ACSBG1: variants seen among roughly 807,000 people sequenced by gnomAD.
The protein encoded by ACSBG1 is long-chain-fatty-acid--CoA ligase ACSBG1.
A neutral mutation model predicts 80.2 loss-of-function variants in ACSBG1; 39 were observed. The ratio of observed to expected loss-of-function variants is 0.49; its 90% confidence interval spans 0.38 to 0.64. The LOEUF is 0.64. Ranked by LOEUF, ACSBG1 falls within the 30% of genes least tolerant of loss-of-function variation. ACSBG1 has a pLI of 0.00. For synonymous variants in ACSBG1, 392 were observed against 379.5 expected (o/e 1.03, Z -0.38); for missense variants, 828 against 966.4 (o/e 0.86, Z 1.90).
chr15:78,186,133 C>T (rs896916888), intron 5 of ACSBG1, among the ~76,000 whole-genome samples: 17 of 152,166 alleles, frequency 1.1e-4, no homozygotes, highest in Non-Finnish European at 2.1e-4. Context: ...GACCCCTTTA[C>T]CATTATGTAA....
At position 78,178,591 on chromosome 15, in the gene ACSBG1, C is replaced by T. The variant is rs369035787; in HGVS notation, c.1702+23G>A. On this transcript the variant is annotated intron_variant, in intron 11 of 13. Coordinates refer to ENST00000258873, the MANE Select transcript of ACSBG1 (RefSeq NM_015162.5). This position sits in a 1 kb window ranked among gnomAD's most constrained non-coding sequence, Gnocchi z 4.3. ...TGCTGGGATTACAGGCATGAGCCAC[C>T]GTGCCTGGCCTGGGGTGCTCACCTT... The T allele has an allele frequency of 7.0e-5, 111 of 1,585,440 alleles. No individual in the cohort carries two copies. Among genetic ancestry groups the T allele is most frequent in the Admixed American group, 8.5e-5 (5 of 58,534 alleles).
In ACSBG1 at chr15:78,170,271, C is replaced by T. The variant is rs1317065550; in HGVS notation, c.*1173G>A. 1 of 152,104 alleles carries T rather than the reference C, an allele frequency of 6.6e-6. No homozygotes were observed. Among genetic ancestry groups the T allele is most frequent in the Non-Finnish European group, 1.5e-5 (1 of 68,020 alleles). 9.4% of individuals were successfully genotyped at this position (152,104 alleles called of 1,614,324 possible). On this transcript the variant is annotated 3_prime_UTR_variant, in exon 14 of 14. Transcript: ENST00000258873. ...TTCATGAACAGTTACCCTCTGTCCC[C>T]ACAACCAAAGACAACTCATGGCCTC...
At position 78,198,193 on chromosome 15, in the gene ACSBG1, T is replaced by C. The variant is rs945215938; in HGVS notation, c.233-3467A>G. On this transcript the variant is annotated intron_variant, in intron 2 of 13. Coordinates refer to ENST00000258873, the MANE Select transcript of ACSBG1 (RefSeq NM_015162.5). Reference sequence around the variant, plus strand: ...CTGGGACTACAGGCATGCACCACCATGTCTGGCTAATTTTTTTTGTATTTT... The same window carrying C: ...CTGGGACTACAGGCATGCACCACCACGTCTGGCTAATTTTTTTTGTATTTT... Among the ~76,000 whole-genome samples, 7 of 151,850 alleles carry C rather than the reference T, an allele frequency of 4.6e-5. No individual in the cohort carries two copies. In the South Asian group the frequency reaches 6.2e-4, roughly 14 times the overall value.
chr15:78,212,356 T>C (rs1475334986), intron 1 of ACSBG1, among the ~76,000 whole-genome samples: 2 of 152,184 alleles, frequency 1.3e-5, no homozygotes, highest in Admixed American at 1.3e-4. Flanking sequence ...CTCATCATTA[T>C]TACGCATGAG....
intron 1 of ACSBG1, among the ~76,000 whole-genome samples, chr15:78,224,232 A>G (rs2075382194): frequency 6.9e-6 from 1 of 144,458 alleles, no homozygotes; most frequent in African/African-American, 2.5e-5. Flanking sequence ...ACCCTGGCTG[A>G]CATCTGGACT....
At chr15:78,187,574 C>T (rs1381313320) in intron 5 of ACSBG1, among the ~76,000 whole-genome samples, 1 of 152,090 alleles carries the variant, frequency 6.6e-6, no homozygotes, top group African/African-American at 2.4e-5. Flanking sequence ...AGACAAAAAC[C>T]ACATGATTAT....
intron 2 of ACSBG1, among the ~76,000 whole-genome samples, chr15:78,202,638 T>C (rs1160473607): frequency 6.6e-6 from 1 of 152,206 alleles, no homozygotes; most frequent in African/African-American, 2.4e-5. Flanking sequence ...AGGAAAGAAC[T>C]TGAAGCAGCA....
At chr15:78,175,478 G>A (rs953057541) in intron 11 of ACSBG1, among the ~76,000 whole-genome samples, 1 of 152,234 alleles carries the variant, frequency 6.6e-6, no homozygotes, top group East Asian at 1.9e-4. Flanking sequence ...GCAGGGCCAG[G>A]GCAGGGAGGC....
At position 78,173,714 on chromosome 15, in the gene ACSBG1, G is replaced by A. The variant is rs149258367; in HGVS notation, c.1968C>T (p.Ala656=). ...TCCCCTCTTCGATGGCCTGGTACAC[G>A]GCCTCATCCTTCTTCTCTATGATCT... is the stretch of plus-strand genomic sequence containing the variant. ...VSEIIEKKDE[A]VYQAIEEGIR... is the part of the protein sequence containing the mutation. The change falls in exon 13 of 14, where the codon GCC becomes GCT. Residue 656 remains alanine (A), a synonymous_variant. Coordinates refer to ENST00000258873, the MANE Select transcript of ACSBG1 (RefSeq NM_015162.5). The A allele has an allele frequency of 2.5e-5, 40 of 1,614,200 alleles. No homozygotes were observed. The African/African-American group carries it at 4.5e-4, about 18-fold the overall frequency.
chr15:78,171,431 G>C lies in ACSBG1; in HGVS notation c.*13C>G. On this transcript the variant is annotated 3_prime_UTR_variant, in exon 14 of 14. Coordinates refer to ENST00000258873, the MANE Select transcript of ACSBG1 (RefSeq NM_015162.5). ...GCCCTCTATTCTATAGAAACTGCAG[G>C]CATAGGCCCTGATTACATTTTTTGC... is the stretch of plus-strand genomic sequence containing the variant. 6.2e-7 allele frequency: 1 copy of C among 1,610,738 alleles called. No individual in the cohort carries two copies. Among genetic ancestry groups the C allele is most frequent in the Non-Finnish European group, 8.5e-7 (1 of 1,177,038 alleles).
intron 3 of ACSBG1, 42 bp from the exon 4 acceptor site, chr15:78,194,062 A>T: frequency 1.3e-6 from 2 of 1,596,884 alleles, no homozygotes; most frequent in South Asian, 2.2e-5. Context: ...CCGGGCAGGG[A>T]CTGGGACCCT....
chr15:78,176,557 A>G (rs1283255189), intron 11 of ACSBG1, among the ~76,000 whole-genome samples: 1 of 152,230 alleles, frequency 6.6e-6, no homozygotes, highest in African/African-American at 2.4e-5. Flanking sequence ...AAAAAATTTT[A>G]AGTGATATTA....
At position 78,173,166 on chromosome 15, in the gene ACSBG1, A is replaced by T. The variant is rs1272444773; in HGVS notation, c.2089+427T>A. On this transcript the variant is annotated intron_variant, in intron 13 of 13. Transcript: ENST00000258873. ...TTCGAGACCAGCCTGACCAACATGG[A>T]GAAACCATGTCTCTACTAAAAATAC... Among the ~76,000 whole-genome samples, 10 of 151,946 alleles carry T rather than the reference A, an allele frequency of 6.6e-5. No homozygotes were observed. The East Asian group carries it at 7.7e-4, about 12-fold the overall frequency.
At chr15:78,205,969 C>T (rs1045746845) in intron 2 of ACSBG1, among the ~76,000 whole-genome samples, 2 of 152,178 alleles carry the variant, frequency 1.3e-5, no homozygotes, top group East Asian at 1.9e-4. Flanking sequence ...GCGGTGGACA[C>T]GCCATCCATG....
At chr15:78,193,228 G>A (rs1185912708) in intron 5 of ACSBG1, among the ~76,000 whole-genome samples, 3 of 152,214 alleles carry the variant, frequency 2.0e-5, no homozygotes, top group African/African-American at 7.2e-5. Flanking sequence ...GGGAGACCCT[G>A]TCCCAAAGAG....
At chr15:78,199,733 G>C (rs564124916) in intron 2 of ACSBG1, among the ~76,000 whole-genome samples, 1 of 149,688 alleles carries the variant, frequency 6.7e-6, no homozygotes, top group Admixed American at 6.7e-5. Flanking sequence ...CTGGTCTCAA[G>C]CAATCCTCCT....
At chr15:78,209,936 C>G (rs2075252816) in intron 1 of ACSBG1, among the ~76,000 whole-genome samples, 1 of 152,206 alleles carries the variant, frequency 6.6e-6, no homozygotes, top group Non-Finnish European at 1.5e-5. Context: ...CAGCACTTCT[C>G]TCCCCACAGA....
At chr15:78,191,863 G>C (rs1424174683) in intron 5 of ACSBG1, among the ~76,000 whole-genome samples, 3 of 152,144 alleles carry the variant, frequency 2.0e-5, no homozygotes, top group Non-Finnish European at 4.4e-5. Context: ...GTGCTGCCAT[G>C]GGTTGAATTG....
rs1595898381 is a variant in ACSBG1, at chr15:78,212,216, G to A, written c.132-4114C>T. 2.0e-5 allele frequency among the ~76,000 whole-genome samples: 3 copies of A among 152,218 alleles called. No individual in the cohort carries two copies. The South Asian group carries it at 6.2e-4, about 32-fold the overall frequency. On this transcript the variant is annotated intron_variant, in intron 1 of 13. Transcript: ENST00000258873. The stretch of plus-strand genomic sequence containing the variant: ...AGTTCACCAGTCTGTCTGCCTGCTT[G>A]GGCACAACTCACTTTACTAGCTATG...
Sources: gnomAD v4.1 joint callset for allele counts (sites outside exome capture counted in the v4.1 genomes callset) on GRCh38, gnomAD v4.1.1 for gene constraint, Gnocchi (gnomAD v3.1) non-coding constraint, MANE v1.5 for transcripts, NCBI Gene and HGNC (gene_info 2026-07-23, HGNC 2026-07-21) for gene names.